Variants in BBX observed in about 807,000 individuals in gnomAD.
The protein encoded by BBX is HMG box transcription factor BBX.
BBX carries 30 observed loss-of-function variants against 100.2 expected under a neutral mutation model. That is an observed-to-expected ratio of 0.30 (90% CI 0.22 to 0.41). The LOEUF (loss-of-function observed/expected upper bound fraction) is 0.41. Among genes scored for constraint, BBX ranks in the 10% least tolerant of loss-of-function variants. The pLI is 1.00. For synonymous variants in BBX, 376 were observed against 388.1 expected, an observed-to-expected ratio of 0.97 and a Z score of 0.37; for missense variants, 1,023 against 1,129.8, an observed-to-expected ratio of 0.91 and a Z score of 1.35.
intron 2 of BBX, among the ~76,000 whole-genome samples, chr3:107,626,302 C>CTA (rs1270488183): frequency 6.6e-5 from 10 of 152,298 alleles, no homozygotes; most frequent in Middle Eastern, 3.4e-3. Context: ...ATTCCTGTTC[C>CTA]TAGCATATCT....
chr3:107,730,483 T>C (rs1209487440), intron 6 of BBX, among the ~76,000 whole-genome samples: 1 of 140,264 alleles, frequency 7.1e-6, no homozygotes, highest in African/African-American at 2.8e-5. Flanking sequence ...TTTGTTGTTG[T>C]TGTTGTTGGC....
chr3:107,544,043 G>T lies in BBX; in HGVS notation c.-84+17645G>T, dbSNP rs7632484. On this transcript the variant is annotated intron_variant, in intron 2 of 17. Transcript: ENST00000325805. ...ATTCCAAATAATATTTTTAAGGTTA[G>T]TATATTTGTAAGTTTTATTTGGGAG... Among the ~76,000 whole-genome samples, 89 of 152,292 alleles carry T rather than the reference G, an allele frequency of 5.8e-4. 1 individual carries two copies. Among genetic ancestry groups the T allele is most frequent in the African/African-American group, 2.0e-3 (84 of 41,554 alleles).
intron 3 of BBX, among the ~76,000 whole-genome samples, chr3:107,674,280 G>A (rs893812755): frequency 2.0e-5 from 3 of 152,026 alleles, no homozygotes; most frequent in Admixed American, 6.6e-5. Context: ...TAACGCCTTC[G>A]AGCCAGAAAG....
intron 7 of BBX, among the ~76,000 whole-genome samples, chr3:107,743,918 G>GTTTTTTTTTTTTTTTTTTTTTTC (rs2064328593): frequency 1.8e-5 from 1 of 56,622 alleles, no homozygotes; most frequent in Non-Finnish European, 3.1e-5. Flanking sequence ...TGTTTTAGTG[G>GTTTTTTTTTTTTTTTTTTTTTTC]TTTTTTTTTT....
At chr3:107,770,814 C>A (rs984711350) in intron 10 of BBX, among the ~76,000 whole-genome samples, 5 of 151,910 alleles carry the variant, frequency 3.3e-5, no homozygotes, top group African/African-American at 4.8e-5. Flanking sequence ...TAATTTCTTC[C>A]CAGACTTACT....
At position 107,716,647 on chromosome 3, in the gene BBX, G is replaced by T; in HGVS notation, c.203G>T (p.Gly68Val). Reference protein sequence around the residue: ...LGADGLEQDVGETEDDESPEQ... With the variant: ...LGADGLEQDVVETEDDESPEQ... ...GCCGATGGCCTAGAGCAAGATGTTG[G>T]TGAAACTGAAGATGATGAATCACCA... Residue 68 changes from glycine (G) to valine (V), a missense_variant, in exon 5 of 18, where the codon GGT becomes GTT. Gly to Val is a moderately radical substitution (Grantham distance 109, BLOSUM62 -3). Around this residue, in one of 9 missense-constraint regions of BBX, gnomAD observed 229 missense variants for 226.3 expected, o/e 1.01. Transcript: ENST00000325805. 6.2e-7 allele frequency: 1 copy of T among 1,613,778 alleles called. No individual in the cohort carries two copies. Among genetic ancestry groups the T allele is most frequent in the South Asian group, 1.1e-5 (1 of 91,068 alleles).
Position 107,773,650 on chromosome 3 carries a change from A to G in BBX, c.1915+14A>G. Reference sequence around the variant, plus strand: ...ATGTTGACAGAGGTAAGTAACTTCTACAAACCTGAAAAGAATTCAAAAACC... The same window carrying G: ...ATGTTGACAGAGGTAAGTAACTTCTGCAAACCTGAAAAGAATTCAAAAACC... On this transcript the variant is annotated intron_variant, in intron 11 of 17. Transcript: ENST00000325805. This position sits in a 1 kb window ranked among gnomAD's most constrained non-coding sequence, Gnocchi z 4.1. The G allele has an allele frequency of 5.7e-6, 9 of 1,583,488 alleles. No homozygotes were observed. Among genetic ancestry groups the G allele is most frequent in the Non-Finnish European group, 7.7e-6 (9 of 1,168,610 alleles).
At chr3:107,659,627 G>C in intron 3 of BBX, 1 of 746,310 alleles carries the variant, frequency 1.3e-6, no homozygotes, top group Non-Finnish European at 1.9e-6. Context: ...CTGCTAATAA[G>C]TGGCAAAGCT....
intron 2 of BBX, among the ~76,000 whole-genome samples, chr3:107,582,127 T>C (rs1243060895): frequency 6.6e-6 from 1 of 151,954 alleles, no homozygotes; most frequent in Non-Finnish European, 1.5e-5. Context: ...CCAAACCTTC[T>C]TTTTAAAAAA....
chr3:107,675,287 G>C (rs2059225313), intron 3 of BBX, among the ~76,000 whole-genome samples: 1 of 152,174 alleles, frequency 6.6e-6, no homozygotes, highest in South Asian at 2.1e-4. Context: ...CAGATACTGA[G>C]GGTTAGTTTG....
intron 2 of BBX, among the ~76,000 whole-genome samples, chr3:107,560,793 T>C (rs986477881): frequency 1.2e-4 from 18 of 152,272 alleles, no homozygotes; most frequent in Admixed American, 8.5e-4. Flanking sequence ...AAATTTAACA[T>C]TGGGGAAAGT....
intron 10 of BBX, among the ~76,000 whole-genome samples, chr3:107,766,665 AG>A: frequency 6.6e-6 from 1 of 152,364 alleles, no homozygotes; most frequent in Middle Eastern, 3.4e-3. Context: ...TCAAGGATCT[AG>A]AACCAGAAAT....
chr3:107,782,635 A>G (rs780932176), intron 13 of BBX, among the ~76,000 whole-genome samples: 25 of 152,038 alleles, frequency 1.6e-4, no homozygotes, highest in Admixed American at 1.3e-4. Context: ...AACCTTGAAC[A>G]AGAATGTTCT....
chr3:107,529,511 G>A (rs926892255), intron 2 of BBX, among the ~76,000 whole-genome samples: 31 of 152,228 alleles, frequency 2.0e-4, no homozygotes, highest in Admixed American at 2.0e-4. Flanking sequence ...ACACTGCTAT[G>A]AAGGGAATAG....
intron 2 of BBX, among the ~76,000 whole-genome samples, chr3:107,562,193 T>G (rs1352189940): frequency 2.0e-5 from 3 of 152,192 alleles, no homozygotes; most frequent in Non-Finnish European, 4.4e-5. Context: ...TCAATGCGAT[T>G]ACATTCAAAT....
At chr3:107,644,154 C>T (rs1005084733) in intron 2 of BBX, among the ~76,000 whole-genome samples, 4 of 152,112 alleles carry the variant, frequency 2.6e-5, no homozygotes, top group African/African-American at 9.7e-5. Context: ...AGAAACAAAT[C>T]TCCAAGGGTA....
rs1413337147 is a variant in BBX, at chr3:107,570,135, CCT to C, written c.-84+43738_-84+43739del. ...TGGGGCGGGCAGTCCTGGAGGAACC[CCT>C]GGCTGCTGCGGTTCAGGCGTTATGA... On this transcript the variant is annotated intron_variant, in intron 2 of 17. Transcript: ENST00000325805. Among the ~76,000 whole-genome samples, 6 of 152,300 alleles carry C rather than the reference CCT, an allele frequency of 3.9e-5. No homozygotes were observed. The East Asian group carries it at 5.8e-4, about 15-fold the overall frequency.
At chr3:107,582,717 A>G (rs1381595798) in intron 2 of BBX, among the ~76,000 whole-genome samples, 2 of 152,236 alleles carry the variant, frequency 1.3e-5, no homozygotes, top group African/African-American at 4.8e-5. Flanking sequence ...GTAAGTTAGT[A>G]TGCTTATGAG....
intron 2 of BBX, among the ~76,000 whole-genome samples, chr3:107,636,224 G>A (rs970767808): frequency 6.6e-6 from 1 of 152,078 alleles, no homozygotes; most frequent in Admixed American, 6.5e-5. Context: ...CTGAAACTCA[G>A]GTAGAATTAG....
Sources: allele counts gnomAD v4.1 joint callset (sites outside exome capture counted in the v4.1 genomes callset), GRCh38; gene constraint gnomAD v4.1.1; regional missense constraint gnomAD v4.1.1; non-coding constraint Gnocchi (gnomAD v3.1); transcripts MANE v1.5; gene names NCBI Gene and HGNC (gene_info 2026-07-23, HGNC 2026-07-21).